Variants in CACNA1E observed in about 807,000 individuals in gnomAD.
CACNA1E encodes the protein voltage-dependent R-type calcium channel subunit alpha-1E.
In CACNA1E, 40 loss-of-function variants were observed where a neutral mutation model predicts 259.2. The ratio of observed to expected loss-of-function variants is 0.15; its 90% confidence interval spans 0.12 to 0.20. CACNA1E has a LOEUF of 0.20. Ranked by LOEUF, CACNA1E falls within the 10% of genes least tolerant of loss-of-function variation. The probability of loss-of-function intolerance (pLI) is 1.00; values close to 1 mark genes in which losing one functional copy is unlikely to be tolerated. For synonymous variants in CACNA1E, 1,104 were observed against 1,138.5 expected, an observed-to-expected ratio of 0.97 and a Z score of 0.61; for missense variants, 1,874 against 3,040.1, an observed-to-expected ratio of 0.62 and a Z score of 9.02.
rs1373504354 is a variant in CACNA1E, at chr1:181,510,476, C to T, written c.267-1C>T. Reference sequence around the variant, plus strand: ...TTTGTTCCTTAACTCCGCTTTCCCACGCCATTTGAGTACATGATCCTGGCC... The same window carrying T: ...TTTGTTCCTTAACTCCGCTTTCCCATGCCATTTGAGTACATGATCCTGGCC... On this transcript the variant is annotated splice_acceptor_variant, in intron 1 of 47. Coordinates refer to ENST00000367573, the MANE Select transcript of CACNA1E (RefSeq NM_001205293.3). LOFTEE classifies it high-confidence loss of function. The T allele has an allele frequency of 1.9e-6, 3 of 1,610,852 alleles. No individual in the cohort carries two copies. The highest frequency in any genetic ancestry group is 2.5e-6 in the Non-Finnish European group (3 of 1,177,160).
chr1:181,482,821 C>G (rs899840885), upstream of CACNA1E, among the ~76,000 whole-genome samples: 2 of 151,546 alleles, frequency 1.3e-5, no homozygotes, highest in Non-Finnish European at 2.9e-5. Context: ...GCTCGCCGCC[C>G]GCCCGCTCGC....
At chr1:181,738,082 G>A (rs1656225220) in intron 23 of CACNA1E, among the ~76,000 whole-genome samples, 1 of 152,220 alleles carries the variant, frequency 6.6e-6, no homozygotes, top group Non-Finnish European at 1.5e-5. Context: ...TAAGGGACAG[G>A]TATGTGGGCA....
chr1:181,446,769 G>A (rs1465013900), intron 2 of CACNA1E, among the ~76,000 whole-genome samples: 1 of 152,148 alleles, frequency 6.6e-6, no homozygotes, highest in African/African-American at 2.4e-5. Context: ...ATCATGAAAT[G>A]TGCCATTTGT....
intron 7 of CACNA1E, among the ~76,000 whole-genome samples, chr1:181,677,939 T>C (rs892792935): frequency 8.5e-5 from 13 of 152,154 alleles, no homozygotes; most frequent in African/African-American, 3.1e-4. Flanking sequence ...ATTGGTTTAG[T>C]TAGGTCTGGT....
intron 7 of CACNA1E, among the ~76,000 whole-genome samples, chr1:181,706,378 C>G (rs893921670): frequency 6.6e-6 from 1 of 152,094 alleles, no homozygotes; most frequent in Non-Finnish European, 1.5e-5. Flanking sequence ...TGCTTTGTTT[C>G]GCAGGTCTGG....
At position 181,739,129 on chromosome 1, in the gene CACNA1E, G is replaced by GT; in HGVS notation, c.3613-16dup. On this transcript the variant is annotated splice_polypyrimidine_tract_variant and intron_variant, in intron 24 of 47. Coordinates refer to ENST00000367573, the MANE Select transcript of CACNA1E (RefSeq NM_001205293.3). ...CACACTTTCTTGGCTCACTGTGGCT[G>GT]TTCATATCCTTCTGCAGATGATAGA... 1 of 1,503,174 alleles carries GT rather than the reference G, an allele frequency of 6.7e-7. No homozygotes were observed. Among genetic ancestry groups the GT allele is most frequent in the Non-Finnish European group, 9.3e-7 (1 of 1,078,716 alleles). 93.1% of individuals were successfully genotyped at this position (1,503,174 alleles called of 1,614,324 possible). A position where few individuals can be genotyped will look rare whatever the true frequency, so the allele number is the denominator to read the frequency against.
intron 3 of CACNA1E, among the ~76,000 whole-genome samples, chr1:181,522,073 T>G (rs1355278314): frequency 6.6e-6 from 1 of 152,202 alleles, no homozygotes; most frequent in East Asian, 1.9e-4. Context: ...AGGCACGATG[T>G]TTGCAGAGAA....
intron 1 of CACNA1E, among the ~76,000 whole-genome samples, chr1:181,318,989 G>A (rs571508651): frequency 6.6e-6 from 1 of 152,290 alleles, no homozygotes; most frequent in African/African-American, 2.4e-5. Flanking sequence ...CCCATGTCTT[G>A]GAGAGAATAA....
chr1:181,339,776 C>T (rs188460486), intron 1 of CACNA1E, among the ~76,000 whole-genome samples: 2 of 152,120 alleles, frequency 1.3e-5, no homozygotes, highest in Non-Finnish European at 2.9e-5. Flanking sequence ...TTTATATTTC[C>T]ATTTCTGTGA....
intron 2 of CACNA1E, among the ~76,000 whole-genome samples, chr1:181,439,305 T>G (rs144915343): frequency 6.7e-6 from 1 of 150,370 alleles, no homozygotes; most frequent in Non-Finnish European, 1.5e-5. Flanking sequence ...CCTGTAAATT[T>G]TAGAAGGTTA....
chr1:181,541,210 G>A (rs1190626930), intron 3 of CACNA1E, among the ~76,000 whole-genome samples: 1 of 152,180 alleles, frequency 6.6e-6, no homozygotes, highest in Non-Finnish European at 1.5e-5. Flanking sequence ...GCAAAATATT[G>A]CAAGGATGTT....
chr1:181,376,407 T>A (rs1195610739), intron 1 of CACNA1E, among the ~76,000 whole-genome samples: 1 of 152,242 alleles, frequency 6.6e-6, no homozygotes, highest in Non-Finnish European at 1.5e-5. Context: ...TGCATTGGCC[T>A]ATTGCATGTT....
At chr1:181,756,805 A>G in intron 29 of CACNA1E, 120 bp from the exon 30 acceptor site, 1 of 714,346 alleles carries the variant, frequency 1.4e-6, no homozygotes, top group South Asian at 1.7e-5. Context: ...ACTCAAAAAA[A>G]ATTAATGGAG....
intron 6 of CACNA1E, among the ~76,000 whole-genome samples, chr1:181,625,826 A>C (rs1030886856): frequency 6.6e-6 from 1 of 152,208 alleles, no homozygotes; most frequent in East Asian, 1.9e-4. Flanking sequence ...TTTTTAGTCT[A>C]TCTCAGCCTT....
chr1:181,703,007 A>G (rs541120702), intron 7 of CACNA1E, among the ~76,000 whole-genome samples: 1 of 152,300 alleles, frequency 6.6e-6, no homozygotes, highest in South Asian at 2.1e-4. Flanking sequence ...TCTCTGGCCC[A>G]GGCTGGTCTT....
chr1:181,623,811 G>A (rs1214080465), intron 6 of CACNA1E, among the ~76,000 whole-genome samples: 1 of 152,206 alleles, frequency 6.6e-6, no homozygotes, highest in African/African-American at 2.4e-5. Context: ...CTAGTGGAGG[G>A]TCTTGCCTCA....
chr1:181,425,133 T>G (rs534264595), intron 2 of CACNA1E, among the ~76,000 whole-genome samples: 1 of 152,298 alleles, frequency 6.6e-6, no homozygotes, highest in African/African-American at 2.4e-5. Flanking sequence ...AGTGGTTGTT[T>G]CTGTGTATTG....
chr1:181,774,937 T>C (rs540092453), intron 37 of CACNA1E, among the ~76,000 whole-genome samples: 1 of 152,314 alleles, frequency 6.6e-6, no homozygotes, highest in African/African-American at 2.4e-5. Flanking sequence ...CTCCTGTAAA[T>C]GAGGAGTCCT....
intron 3 of CACNA1E, among the ~76,000 whole-genome samples, chr1:181,550,632 A>G (rs1330953533): frequency 6.6e-6 from 1 of 152,118 alleles, no homozygotes; most frequent in African/African-American, 2.4e-5. Flanking sequence ...AATGGTTACC[A>G]GGTTCAAATG....
Sources: gnomAD v4.1 joint callset for allele counts (sites outside exome capture counted in the v4.1 genomes callset) on GRCh38, gnomAD v4.1.1 for gene constraint, MANE v1.5 for transcripts, NCBI Gene and HGNC (gene_info 2026-07-23, HGNC 2026-07-21) for gene names.